PATJ: variants seen among roughly 807,000 people sequenced by gnomAD.
PATJ encodes the protein inaD-like protein.
PATJ carries 190 observed loss-of-function variants against 224.9 expected under a neutral mutation model. The ratio of observed to expected loss-of-function variants is 0.84; its 90% CI spans 0.75 to 0.95. PATJ has a LOEUF of 0.95. Among genes scored for constraint, PATJ ranks in the 40% least tolerant of loss-of-function variants. The pLI is 0.00. For missense variants in PATJ, 2,121 were observed against 2,270.3 expected (o/e 0.93, Z 1.34); for synonymous variants, 769 against 820.3 (o/e 0.94, Z 1.07).
chr1:61,880,309 AAGT>A (rs1667920703), intron 21 of PATJ, among the ~76,000 whole-genome samples: 1 of 152,240 alleles, frequency 6.6e-6, no homozygotes, highest in Non-Finnish European at 1.5e-5. Flanking sequence ...AGTTCCTGGC[AAGT>A]AGTGGGTGCT....
intron 37 of PATJ, among the ~76,000 whole-genome samples, chr1:62,118,911 T>A (rs543944062): frequency 1.1e-4 from 16 of 152,012 alleles, no homozygotes; most frequent in African/African-American, 3.9e-4. Context: ...GGATGACAGG[T>A]GTGAGCCCCC....
At chr1:61,872,159 C>T (rs1666732010) in intron 20 of PATJ, among the ~76,000 whole-genome samples, 1 of 152,182 alleles carries the variant, frequency 6.6e-6, no homozygotes, top group Non-Finnish European at 1.5e-5. Flanking sequence ...CAACCTTCTT[C>T]TTTTTAACTG....
intron 41 of PATJ, among the ~76,000 whole-genome samples, chr1:62,141,748 A>G (rs1667526934): frequency 6.6e-6 from 1 of 151,526 alleles, no homozygotes; most frequent in African/African-American, 2.4e-5. Context: ...AGGCAGGTTG[A>G]TCACCTGAGG....
At chr1:61,869,755 C>T (rs1041754796) in intron 20 of PATJ, among the ~76,000 whole-genome samples, 1 of 152,210 alleles carries the variant, frequency 6.6e-6, no homozygotes, top group Non-Finnish European at 1.5e-5. Flanking sequence ...TACATGCCTG[C>T]TGGAACCATC....
chr1:61,954,755 G>GT (rs1553219493), intron 27 of PATJ, among the ~76,000 whole-genome samples: 24,482 of 74,150 alleles, frequency 0.33, 2,396 homozygotes, highest in Admixed American at 0.44. Flanking sequence ...AAACTCTATT[G>GT]TTTTTTTTTT....
At chr1:61,809,252 C>T (rs1654200851) in intron 14 of PATJ, among the ~76,000 whole-genome samples, 1 of 152,138 alleles carries the variant, frequency 6.6e-6, no homozygotes, top group African/African-American at 2.4e-5. Flanking sequence ...TAGGCGGCCT[C>T]CTCAACAATT....
intron 20 of PATJ, among the ~76,000 whole-genome samples, chr1:61,868,941 C>T (rs1016782734): frequency 2.0e-5 from 3 of 151,834 alleles, no homozygotes; most frequent in Middle Eastern, 3.2e-3. Context: ...CACACATGAA[C>T]GCAACAAAAG....
rs895883847 is a variant in PATJ, at chr1:62,161,807, A to T, written c.*753A>T. The stretch of plus-strand genomic sequence containing the variant: ...CAAATGTTAAGCAACTTGTCATCTC[A>T]CTCATGATTTACTTATGCTAATTGT... On this transcript the variant is annotated 3_prime_UTR_variant, in exon 44 of 44. Coordinates refer to ENST00000642238, the MANE Select transcript of PATJ (RefSeq NM_001350145.3). 11 of 152,152 alleles carry T rather than the reference A, an allele frequency of 7.2e-5. No individual in the cohort carries two copies. Among genetic ancestry groups the T allele is most frequent in the African/African-American group, 2.7e-4 (11 of 41,424 alleles). 9.4% of individuals were successfully genotyped at this position (152,152 alleles called of 1,614,324 possible). A position where few individuals can be genotyped will look rare whatever the true frequency, so the allele number is the denominator to read the frequency against.
chr1:61,805,070 A>G (rs1653256181), intron 12 of PATJ, among the ~76,000 whole-genome samples: 1 of 152,186 alleles, frequency 6.6e-6, no homozygotes, highest in Non-Finnish European at 1.5e-5. Context: ...TTTAAATTAA[A>G]TCCTTCTATG....
chr1:61,881,404 G>GTT (rs1393409303), intron 21 of PATJ, among the ~76,000 whole-genome samples: 4 of 99,540 alleles, frequency 4.0e-5, no homozygotes, highest in African/African-American at 1.5e-4. Context: ...AGTTAAAACA[G>GTT]TTATTTTTTT....
chr1:61,758,302 A>G (rs1645765637), intron 1 of PATJ, among the ~76,000 whole-genome samples: 1 of 152,198 alleles, frequency 6.6e-6, no homozygotes, highest in Non-Finnish European at 1.5e-5. Context: ...TATGACTGAT[A>G]TGAAGTCACT....
rs1397575609 is a variant in PATJ, at chr1:61,951,503, G to A, written c.3670+23674G>A. On this transcript the variant is annotated intron_variant, in intron 27 of 43. Coordinates refer to ENST00000642238, the MANE Select transcript of PATJ (RefSeq NM_001350145.3). ...TGTATAATTGGTAGATACTTCTGAA[G>A]TCACTGTAATTGGTTAAATAATGGT... 4.6e-5 allele frequency among the ~76,000 whole-genome samples: 7 copies of A among 151,902 alleles called. No homozygotes were observed. In the East Asian group the frequency reaches 1.2e-3, roughly 25 times the overall value.
At chr1:62,006,335 C>T (rs932353900) in intron 28 of PATJ, among the ~76,000 whole-genome samples, 2 of 152,130 alleles carry the variant, frequency 1.3e-5, no homozygotes, top group African/African-American at 4.8e-5. Flanking sequence ...AGGCTGGTCT[C>T]GAACTCCTGA....
chr1:61,755,879 G>T (rs1037041476), intron 1 of PATJ, among the ~76,000 whole-genome samples: 1 of 152,082 alleles, frequency 6.6e-6, no homozygotes, highest in Non-Finnish European at 1.5e-5. Flanking sequence ...TCGGCTCACC[G>T]CAATCTCTGC....
chr1:61,773,750 C>T (rs562807913), intron 6 of PATJ, among the ~76,000 whole-genome samples: 2 of 151,532 alleles, frequency 1.3e-5, no homozygotes, highest in African/African-American at 4.8e-5. Context: ...TGCCACTGTA[C>T]TCCTGCCTGG....
chr1:61,742,615 G>A (rs1344446864), intron 1 of PATJ, 60 bp downstream of exon 1: 9 of 152,134 alleles, frequency 5.9e-5, no homozygotes, highest in African/African-American at 2.2e-4. Context: ...CCCGCGCCTG[G>A]AGGCCGGCCG....
rs759802567 is a variant in PATJ, at chr1:62,108,533, G to A, written c.4461+13G>A. 10 of 1,548,478 alleles carry A rather than the reference G, an allele frequency of 6.5e-6. No individual in the cohort carries two copies. Among genetic ancestry groups the A allele is most frequent in the Non-Finnish European group, 8.0e-6 (9 of 1,127,258 alleles). On this transcript the variant is annotated intron_variant, in intron 34 of 43. Transcript: ENST00000642238. ...CCAGATATTAGAGGTATATGGTTTT[G>A]AATTTTATTTTATATCAGTAAATGT...
chr1:61,853,711 C>T (rs1027720678), intron 17 of PATJ, among the ~76,000 whole-genome samples: 4 of 152,206 alleles, frequency 2.6e-5, no homozygotes, highest in Admixed American at 1.3e-4. Flanking sequence ...TATATTACCA[C>T]GTCGATTGCC....
At chr1:61,981,067 T>C (rs1644424308) in intron 27 of PATJ, among the ~76,000 whole-genome samples, 1 of 152,022 alleles carries the variant, frequency 6.6e-6, no homozygotes, top group Non-Finnish European at 1.5e-5. Flanking sequence ...AAATCTATTA[T>C]GCAATCAAAA....
Sources: allele counts gnomAD v4.1 joint callset (sites outside exome capture counted in the v4.1 genomes callset), GRCh38; gene constraint gnomAD v4.1.1; transcripts MANE v1.5; gene names NCBI Gene and HGNC (gene_info 2026-07-23, HGNC 2026-07-21).